Variants in AGBL1 observed in about 807,000 individuals in gnomAD.
AGBL1 encodes the protein AGBL carboxypeptidase 1, also known as cytosolic carboxypeptidase 4.
AGBL1 carries 130 observed loss-of-function variants against 118.9 expected under a neutral mutation model. That is an observed-to-expected ratio of 1.09 (90% confidence interval 0.95 to 1.26). AGBL1 has a LOEUF of 1.26. AGBL1 is among the 50% of genes most tolerant of loss of function. The probability of loss-of-function intolerance (pLI) is 0.00; values close to 1 mark genes in which losing one functional copy is unlikely to be tolerated. For missense variants in AGBL1, 1,584 were observed against 1,298.1 expected (o/e 1.22, Z -3.38); for synonymous variants, 555 against 478.9 (o/e 1.16, Z -2.08).
chr15:86,925,726 T>C (rs982056390), intron 23 of AGBL1, among the ~76,000 whole-genome samples: 2 of 147,388 alleles, frequency 1.4e-5, no homozygotes, highest in African/African-American at 2.5e-5. Context: ...TTTTCTTTTT[T>C]TTTTTTTTTA....
intron 17 of AGBL1, among the ~76,000 whole-genome samples, chr15:86,329,668 G>A (rs890063968): frequency 1.3e-5 from 2 of 152,130 alleles, no homozygotes; most frequent in African/African-American, 2.4e-5. Context: ...TCCAAGCCAA[G>A]ACAGATCTCC....
At chr15:86,185,235 T>C (rs1373939766) in intron 5 of AGBL1, among the ~76,000 whole-genome samples, 1 of 152,090 alleles carries the variant, frequency 6.6e-6, no homozygotes, top group African/African-American at 2.4e-5. Flanking sequence ...AGAATGGCGA[T>C]CATTAAAAAG....
intron 22 of AGBL1, among the ~76,000 whole-genome samples, chr15:86,856,853 C>A (rs1055121845): frequency 2.6e-5 from 4 of 152,222 alleles, no homozygotes; most frequent in African/African-American, 9.6e-5. Flanking sequence ...CTGTACTATG[C>A]TGACTTTGCA....
At chr15:86,508,190 G>A (rs2083003916) in intron 18 of AGBL1, among the ~76,000 whole-genome samples, 1 of 151,804 alleles carries the variant, frequency 6.6e-6, no homozygotes, top group African/African-American at 2.4e-5. Context: ...CCAAAGTGCT[G>A]GGATTACAGG....
At chr15:86,633,766 AC>A (rs1368959134) in intron 21 of AGBL1, among the ~76,000 whole-genome samples, 1 of 147,766 alleles carries the variant, frequency 6.8e-6, no homozygotes, top group African/African-American at 2.5e-5. Context: ...ATGTATAAAT[AC>A]AATATTTTAT....
At chr15:86,282,411 C>T (rs1027313836) in intron 16 of AGBL1, among the ~76,000 whole-genome samples, 2 of 152,120 alleles carry the variant, frequency 1.3e-5, no homozygotes, top group African/African-American at 2.4e-5. Flanking sequence ...ACTTTTGAGC[C>T]TACTGACTGT....
At chr15:86,224,244 C>A (rs1377043521) in intron 5 of AGBL1, among the ~76,000 whole-genome samples, 3 of 152,202 alleles carry the variant, frequency 2.0e-5, no homozygotes, top group South Asian at 2.1e-4. Flanking sequence ...TTTGTGTGAC[C>A]TTCTCAGAAG....
intron 21 of AGBL1, among the ~76,000 whole-genome samples, chr15:86,672,082 C>G (rs1245713931): frequency 6.6e-6 from 1 of 151,786 alleles, no homozygotes; most frequent in East Asian, 1.9e-4. Context: ...TAAAACAAAA[C>G]AAAAACAACT....
At chr15:86,873,246 A>G (rs1428724965) in intron 22 of AGBL1, among the ~76,000 whole-genome samples, 2 of 152,040 alleles carry the variant, frequency 1.3e-5, no homozygotes, top group African/African-American at 4.8e-5. Flanking sequence ...GAGCAAAGGC[A>G]TGTTGGTTTT....
intron 6 of AGBL1, among the ~76,000 whole-genome samples, chr15:86,231,468 T>TCA (rs2078453797): frequency 6.6e-6 from 1 of 152,248 alleles, no homozygotes; most frequent in Non-Finnish European, 1.5e-5. Flanking sequence ...AAAATTTGCT[T>TCA]CAAATAATAT....
At chr15:86,405,900 A>G (rs2081521654) in intron 18 of AGBL1, among the ~76,000 whole-genome samples, 1 of 151,914 alleles carries the variant, frequency 6.6e-6, no homozygotes, top group African/African-American at 2.4e-5. Context: ...AGCAAATGCC[A>G]GAGGAGGAGT....
rs771035137 is a variant in AGBL1 at position 86,546,204 on chromosome 15, C to A, written c.2817+71C>A. ...CTTCATTCTTACCTTTAAGACCATGCCCCACTCATTTATTTAGTTTTTTTT... is the reference window on the plus strand; with the variant it reads ...CTTCATTCTTACCTTTAAGACCATGACCCACTCATTTATTTAGTTTTTTTT... On this transcript the variant is annotated intron_variant, in intron 20 of 22. Coordinates refer to ENST00000614907, the MANE Select transcript of AGBL1 (RefSeq NM_001386094.1). 7 of 1,418,432 alleles carry A rather than the reference C, an allele frequency of 4.9e-6. No homozygotes were observed. The East Asian group carries it at 1.7e-4, about 34-fold the overall frequency. 87.9% of individuals were successfully genotyped at this position (1,418,432 alleles called of 1,614,324 possible).
intron 23 of AGBL1, among the ~76,000 whole-genome samples, chr15:86,951,047 T>C (rs763336732): frequency 6.6e-6 from 1 of 152,310 alleles, no homozygotes; most frequent in Non-Finnish European, 1.5e-5. Context: ...CTGGGTGCCT[T>C]CTTAAATTTT....
At chr15:86,244,677 C>CA (rs1427503371) in intron 6 of AGBL1, among the ~76,000 whole-genome samples, 1 of 151,816 alleles carries the variant, frequency 6.6e-6, no homozygotes, top group Non-Finnish European at 1.5e-5. Context: ...CTCCCCCCAC[C>CA]AAAAAAGACA....
chr15:86,820,332 A>C (rs11073676), intron 22 of AGBL1, among the ~76,000 whole-genome samples: 459 of 152,366 alleles, frequency 3.0e-3, no homozygotes, highest in Admixed American at 5.0e-3. Context: ...CAGCAAAAGA[A>C]ACTATCACCA....
chr15:87,027,424 C>A (rs2081741155), intron 24 of AGBL1, among the ~76,000 whole-genome samples: 1 of 151,528 alleles, frequency 6.6e-6, no homozygotes, highest in South Asian at 2.1e-4. Flanking sequence ...AATCTCATTA[C>A]CCAGAGGAAT....
At chr15:86,647,310 T>C (rs915589397) in intron 21 of AGBL1, among the ~76,000 whole-genome samples, 1 of 152,168 alleles carries the variant, frequency 6.6e-6, no homozygotes. Flanking sequence ...TCTAAATAAA[T>C]GTTGATTATT....
chr15:87,001,067 T>C (rs1224157352), intron 24 of AGBL1, among the ~76,000 whole-genome samples: 4 of 127,194 alleles, frequency 3.1e-5, no homozygotes, highest in African/African-American at 6.2e-5. Flanking sequence ...GTGATTTTTG[T>C]ACATTGATTT....
chr15:86,532,221 A>C (rs1239215964), intron 19 of AGBL1, among the ~76,000 whole-genome samples: 1 of 150,986 alleles, frequency 6.6e-6, no homozygotes, highest in East Asian at 2.0e-4. Flanking sequence ...CCATCATCTC[A>C]GCCCAAAATC....
Sources: allele counts gnomAD v4.1 joint callset (sites outside exome capture counted in the v4.1 genomes callset), GRCh38; gene constraint gnomAD v4.1.1; transcripts MANE v1.5; gene names NCBI Gene and HGNC (gene_info 2026-07-23, HGNC 2026-07-21).